Variants in ZNF84 observed in about 807,000 individuals in gnomAD.
ZNF84 encodes zinc finger protein HPF2.
In ZNF84, 12 loss-of-function variants were observed where a neutral mutation model predicts 14.8. That is an observed-to-expected ratio of 0.81 (90% confidence interval 0.52 to 1.31). The LOEUF (loss-of-function observed/expected upper bound fraction) is 1.31. ZNF84 is among the 50% of genes most tolerant of loss of function. The pLI is 0.00. For synonymous variants in ZNF84, 347 were observed against 291.1 expected, an observed-to-expected ratio of 1.19 and a Z score of -1.96; for missense variants, 859 against 878.6, an observed-to-expected ratio of 0.98 and a Z score of 0.28.
intron 2 of ZNF84, 46 bp downstream of exon 2, chr12:133,041,528 A>G: frequency 6.3e-7 from 1 of 1,590,686 alleles, no homozygotes; most frequent in Non-Finnish European, 8.6e-7. Flanking sequence ...GAATTAGAAG[A>G]AATGTATAAG....
intron 4 of ZNF84, among the ~76,000 whole-genome samples, chr12:133,050,790 C>T (rs1387921092): frequency 6.6e-6 from 1 of 152,114 alleles, no homozygotes; most frequent in Non-Finnish European, 1.5e-5. Flanking sequence ...GTGACCTGAT[C>T]GTAGTATATA....
At chr12:133,056,573 CTT>C (rs1375198472) in intron 4 of ZNF84, among the ~76,000 whole-genome samples, 17 of 152,082 alleles carry the variant, frequency 1.1e-4, no homozygotes, top group African/African-American at 3.9e-4. Context: ...TATTTTTTCT[CTT>C]GTGTCTCTAG....
chr12:133,039,051 TG>T (rs1953839877), intron 1 of ZNF84: 1 of 152,236 alleles, frequency 6.6e-6, no homozygotes, highest in South Asian at 2.1e-4. Flanking sequence ...AGCTTGTGTA[TG>T]TTTTTTATAT....
Position 133,059,217 on chromosome 12 carries a change from G to C in ZNF84, c.*285G>C. The C allele has an allele frequency of 2.4e-6, 1 of 410,578 alleles. No individual in the cohort carries two copies. 25.4% of individuals were successfully genotyped at this position (410,578 alleles called of 1,614,324 possible). On this transcript the variant is annotated 3_prime_UTR_variant, in exon 5 of 5. Coordinates refer to ENST00000539354, the MANE Select transcript of ZNF84 (RefSeq NM_001289971.2). ...TGTCCAAAAGCCTTCCAGAAGTCAA[G>C]TCTCTTAAGCTATTAGAAATATTCC...
In ZNF84 at chr12:133,058,578, T is replaced by C. The variant is rs2137426096; in HGVS notation, c.1863T>C (p.His621=). 12 of 1,614,034 alleles carry C rather than the reference T, an allele frequency of 7.4e-6. No homozygotes were observed. The highest frequency in any genetic ancestry group is 9.3e-6 in the Non-Finnish European group (11 of 1,179,984). The change falls in exon 5 of 5, where the codon CAT becomes CAC. Residue 621 remains histidine (H), a synonymous_variant. Coordinates refer to ENST00000539354, the MANE Select transcript of ZNF84 (RefSeq NM_001289971.2). ...AGCTAATTAGACATCTGAGAACTCA[T>C]ACAGGAGAAAAACCTTATGAATGCA... The part of the protein sequence containing the change: ...KSELIRHLRT[H]TGEKPYECNE...
chr12:133,042,045 GCACCATCC>G (rs1953897484), intron 2 of ZNF84, among the ~76,000 whole-genome samples: 1 of 152,140 alleles, frequency 6.6e-6, no homozygotes, highest in Non-Finnish European at 1.5e-5. Context: ...ATGAACTCTT[GCACCATCC>G]CACCCAGGAC....
At chr12:133,053,730 A>G (rs1201703318) in intron 4 of ZNF84, among the ~76,000 whole-genome samples, 1 of 152,138 alleles carries the variant, frequency 6.6e-6, no homozygotes, top group Non-Finnish European at 1.5e-5. Flanking sequence ...GTGACAGGGC[A>G]ATACCCTGTC....
intron 4 of ZNF84, 85 bp from the exon 5 acceptor site, chr12:133,056,869 C>A: frequency 7.9e-7 from 1 of 1,260,902 alleles, no homozygotes; most frequent in African/African-American, 1.5e-5. Context: ...CAGCCAACCC[C>A]TCAACATAGC....
chr12:133,039,815 T>C (rs1023951734), intron 1 of ZNF84, among the ~76,000 whole-genome samples: 4 of 152,100 alleles, frequency 2.6e-5, no homozygotes, highest in Non-Finnish European at 4.4e-5. Context: ...ATTAAATGTA[T>C]TCAATTTGTC....
chr12:133,045,643 A>G (rs1161600992), intron 2 of ZNF84, among the ~76,000 whole-genome samples: 2 of 152,194 alleles, frequency 1.3e-5, no homozygotes, highest in African/African-American at 2.4e-5. Context: ...TGTCTCAAAA[A>G]AGAAAGAAAG....
intron 1 of ZNF84, among the ~76,000 whole-genome samples, chr12:133,038,220 A>G (rs1953822543): frequency 6.6e-6 from 1 of 152,156 alleles, no homozygotes; most frequent in African/African-American, 2.4e-5. Context: ...TGTATTCATT[A>G]AATAATTTAA....
At chr12:133,046,347 GTTTTTTTTTTTTTTTTTTTTT>G (rs58214468) in intron 2 of ZNF84, among the ~76,000 whole-genome samples, 17 of 116,402 alleles carry the variant, frequency 1.5e-4, no homozygotes, top group African/African-American at 5.4e-4. Flanking sequence ...AGTCCTCACA[GTTTTTTTTTTTTTTTTTTTTT>G]TTTTTTTTTT....
At chr12:133,050,739 C>A (rs1954055522) in intron 4 of ZNF84, among the ~76,000 whole-genome samples, 1 of 152,144 alleles carries the variant, frequency 6.6e-6, no homozygotes, top group Admixed American at 6.6e-5. Flanking sequence ...CCTTTACTAC[C>A]CCATCCTACA....
rs2137427505 is a variant in ZNF84 at position 133,058,793 on chromosome 12, C to T, written c.2078C>T (p.Ser693Phe). Reference protein sequence around the residue: ...YGCSECRKAFSQKSQLVNHQR... With the variant: ...YGCSECRKAFFQKSQLVNHQR... ...TGCAGTGAATGTAGGAAGGCCTTCT[C>T]TCAGAAGTCACAGCTGGTTAATCAT... Residue 693 changes from serine to phenylalanine, a missense_variant, in exon 5 of 5, where the codon TCT becomes TTT. Physicochemically the swap from Ser to Phe is radical, Grantham distance 155. Transcript: ENST00000539354. The T allele has an allele frequency of 1.2e-6, 2 of 1,613,876 alleles. No homozygotes were observed. The highest frequency in any genetic ancestry group is 1.7e-6 in the Non-Finnish European group (2 of 1,179,962).
intron 2 of ZNF84, 59 bp from the exon 3 acceptor site, chr12:133,047,893 ATTT>A: frequency 6.3e-7 from 1 of 1,578,830 alleles, no homozygotes; most frequent in Non-Finnish European, 8.7e-7. Context: ...AAGCTCCAAT[ATTT>A]TTTTCTCACA....
intron 1 of ZNF84, chr12:133,040,388 C>A (rs1953865737): frequency 6.6e-6 from 1 of 151,574 alleles, no homozygotes; most frequent in African/African-American, 2.4e-5. Flanking sequence ...ATAGCGAGAT[C>A]CTGTCTCTAC....
At chr12:133,047,716 CCAAA>C (rs1310522586) in intron 2 of ZNF84, 10 of 351,940 alleles carry the variant, frequency 2.8e-5, no homozygotes, top group African/African-American at 4.2e-5. Context: ...TACTCTGTTC[CCAAA>C]CAAACATCAT....
intron 4 of ZNF84, among the ~76,000 whole-genome samples, chr12:133,054,106 A>G (rs1267333502): frequency 6.6e-6 from 1 of 152,088 alleles, no homozygotes; most frequent in Non-Finnish European, 1.5e-5. Context: ...TGAAACCCCA[A>G]CACTCTGGGA....
Position 133,063,119 on chromosome 12 carries a change from A to C in ZNF84, c.*4187A>C, listed in dbSNP as rs1954292780. ...TGCCACATGGAGAAACATGGTCTGC[A>C]GTGAGAGAGAAGAATGAAGCCATGA... On this transcript the variant is annotated 3_prime_UTR_variant, in exon 5 of 5. Transcript: ENST00000539354. 1.4e-6 allele frequency: 1 copy of C among 702,256 alleles called. No homozygotes were observed. The highest frequency in any genetic ancestry group is 2.6e-6 in the Non-Finnish European group (1 of 384,836). 43.5% of individuals were successfully genotyped at this position (702,256 alleles called of 1,614,324 possible).
Sources: gnomAD v4.1 joint callset for allele counts (sites outside exome capture counted in the v4.1 genomes callset) on GRCh38, gnomAD v4.1.1 for gene constraint, MANE v1.5 for transcripts, NCBI Gene and HGNC (gene_info 2026-07-23, HGNC 2026-07-21) for gene names.